Variants in KIR3DL2 observed in about 807,000 individuals in gnomAD.
KIR3DL2 encodes the protein killer cell immunoglobulin-like receptor 3DL2.
Under a neutral mutation model 41.6 loss-of-function variants are expected in KIR3DL2, and 42 were observed. The ratio of observed to expected loss-of-function variants is 1.01; its 90% confidence interval spans 0.79 to 1.31. KIR3DL2 has a LOEUF of 1.31. KIR3DL2 is among the 50% of genes most tolerant of loss of function. KIR3DL2 has a pLI of 0.00. For missense variants in KIR3DL2, 728 were observed against 576.8 expected, an observed-to-expected ratio of 1.26 and a Z score of -2.68; for synonymous variants, 230 against 221.3, an observed-to-expected ratio of 1.04 and a Z score of -0.35.
At position 54,866,544 on chromosome 19, in the gene KIR3DL2, A is replaced by G. The variant is rs2065535559; in HGVS notation, c.1181A>G (p.Gln394Arg). Reference protein sequence around the residue: ...NRQDSDEQDPQEVTYAQLDHC... With the variant: ...NRQDSDEQDPREVTYAQLDHC... ...CAGGACTCTGATGAACAAGACCCTCAGGAGGTGACGTACGCACAGTTGGAT... is the reference window on the plus strand; with the variant it reads ...CAGGACTCTGATGAACAAGACCCTCGGGAGGTGACGTACGCACAGTTGGAT... The change falls in exon 9 of 9, where the codon CAG becomes CGG. Residue 394 changes from glutamine (Q) to arginine (R), a missense_variant. Transcript: ENST00000326321. 6.2e-7 allele frequency: 1 copy of G among 1,614,050 alleles called. No homozygotes were observed. Among genetic ancestry groups the G allele is most frequent in the East Asian group, 2.2e-5 (1 of 44,882 alleles).
chr19:54,861,244 C>T (rs1328432185), intron 6 of KIR3DL2, among the ~76,000 whole-genome samples: 60 of 145,182 alleles, frequency 4.1e-4, no homozygotes, highest in African/African-American at 1.3e-3. Flanking sequence ...GTTTAATCCT[C>T]GCTTCACTAA....
Position 54,853,775 on chromosome 19 carries a change from C to A in KIR3DL2, c.384C>A (p.Ala128=). The change falls in exon 4 of 9, where the codon GCC becomes GCA. Residue 128 remains alanine, a synonymous_variant. Transcript: ENST00000326321. ...TGNHRKPSLL[A]HPGPLLKSGE... ...ACCACAGAAAACCTTCCCTCCTGGC[C>A]CACCCAGGGCCCCTGCTGAAATCAG... 1 of 1,611,222 alleles carries A rather than the reference C, an allele frequency of 6.2e-7. No individual in the cohort carries two copies. Among genetic ancestry groups the A allele is most frequent in the Non-Finnish European group, 8.5e-7 (1 of 1,178,504 alleles).
chr19:54,856,806 G>C (rs1324879577), intron 5 of KIR3DL2, among the ~76,000 whole-genome samples: 31 of 152,110 alleles, frequency 2.0e-4, no homozygotes, highest in African/African-American at 7.5e-4. Flanking sequence ...CCTGCATGTG[G>C]TGAGAAATGG....
chr19:54,862,006 G>A (rs757965171), intron 6 of KIR3DL2, among the ~76,000 whole-genome samples: 6 of 152,034 alleles, frequency 3.9e-5, no homozygotes, highest in Non-Finnish European at 7.4e-5. Flanking sequence ...CTTGGAGTGA[G>A]TTCAGATCTT....
intron 6 of KIR3DL2, among the ~76,000 whole-genome samples, chr19:54,864,916 G>A (rs2065403156): frequency 6.6e-6 from 1 of 152,060 alleles, no homozygotes; most frequent in Admixed American, 6.5e-5. Context: ...TGGTGAAAGA[G>A]GGCATCCCTG....
At chr19:54,859,014 A>G in intron 5 of KIR3DL2, 65 bp from the exon 6 acceptor site, 4 of 1,488,642 alleles carry the variant, frequency 2.7e-6, no homozygotes, top group African/African-American at 1.4e-5. Flanking sequence ...CCAACCTCAA[A>G]GATTTCCATT....
chr19:54,853,626 C>T (rs1260839414), intron 3 of KIR3DL2, 121 bp from the exon 4 acceptor site: 15 of 1,161,606 alleles, frequency 1.3e-5, no homozygotes, highest in South Asian at 5.2e-5. Flanking sequence ...AGAAAAGACA[C>T]GGAGACACAG....
intron 4 of KIR3DL2, among the ~76,000 whole-genome samples, chr19:54,854,517 G>C (rs1346739204): frequency 6.6e-6 from 1 of 151,790 alleles, no homozygotes; most frequent in Non-Finnish European, 1.5e-5. Context: ...TGCCTTCCAT[G>C]CAGTGGAGCC....
intron 6 of KIR3DL2, among the ~76,000 whole-genome samples, chr19:54,865,075 T>C (rs2065413316): frequency 6.6e-6 from 1 of 152,110 alleles, no homozygotes; most frequent in Admixed American, 6.5e-5. Flanking sequence ...GAAGCGTTGT[T>C]GAATTTTGTC....
intron 6 of KIR3DL2, among the ~76,000 whole-genome samples, chr19:54,861,576 G>T (rs2065185065): frequency 6.6e-6 from 1 of 151,534 alleles, no homozygotes; most frequent in Non-Finnish European, 1.5e-5. Context: ...TTCAGCCCTG[G>T]AGGCAGAGGT....
chr19:54,850,538 G>A (rs2064095020), intron 1 of KIR3DL2, 29 bp downstream of exon 1: 3 of 1,608,374 alleles, frequency 1.9e-6, no homozygotes, highest in Non-Finnish European at 2.5e-6. Flanking sequence ...TAGAGGGAGG[G>A]AGAGTGGGGA....
In KIR3DL2 at chr19:54,866,625, C is replaced by T. The variant is rs757342864; in HGVS notation, c.1262C>T (p.Pro421Leu). The change falls in exon 9 of 9, where the codon CCC (proline) becomes CTC (leucine). Residue 421 changes from proline to leucine, a missense_variant. By Grantham distance (98) the Pro-to-Leu change is moderately conservative. Coordinates refer to ENST00000326321, the MANE Select transcript of KIR3DL2 (RefSeq NM_006737.4). ...ISRPSQRPKT[P>L]LTDTSVYTEL... ...CGCCCTTCTCAGAGGCCCAAGACAC[C>T]CCTAACAGATACCAGCGTGTACACG... is the stretch of plus-strand genomic sequence containing the variant. 1 of 1,613,916 alleles carries T rather than the reference C, an allele frequency of 6.2e-7. No homozygotes were observed. The highest frequency in any genetic ancestry group is 1.7e-5 in the Admixed American group (1 of 60,002).
rs61517997 is a variant in KIR3DL2 at position 54,867,166 on chromosome 19, C to T, written c.*435C>T. 0.039 allele frequency: 8,085 copies of T among 205,502 alleles called. 204 individuals carry two copies. Among genetic ancestry groups the T allele is most frequent in the East Asian group, 0.092 (609 of 6,646 alleles). The allele number at this position is 205,502 out of a possible 1,614,324, so 12.7% of individuals were successfully genotyped here. On this transcript the variant is annotated 3_prime_UTR_variant, in exon 9 of 9. Transcript: ENST00000326321. ...AATTTATAAATTTTTTTTATAACTT[C>T]AGTGTAGCTCTCTCCTCTTCAAATA...
In KIR3DL2 at chr19:54,855,061, A is replaced by AT. The variant is rs1556681190; in HGVS notation, c.656-558_656-557insT. On this transcript the variant is annotated intron_variant, in intron 4 of 8. Transcript: ENST00000326321. ...CATAGAGATGATGATGATGATGATG[A>AT]AGATAGATAGAAGACACATATATAA... Among the ~76,000 whole-genome samples, 6 of 148,276 alleles carry AT rather than the reference A, an allele frequency of 4.0e-5. 1 individual carries two copies. Among genetic ancestry groups the AT allele is most frequent in the Non-Finnish European group, 5.9e-5 (4 of 67,292 alleles).
At position 54,852,118 on chromosome 19, in the gene KIR3DL2, A is replaced by G. The variant is rs767977212; in HGVS notation, c.191A>G (p.Asp64Gly). The G allele has an allele frequency of 6.2e-7, 1 of 1,612,986 alleles. No homozygotes were observed. The highest frequency in any genetic ancestry group is 1.1e-5 in the South Asian group (1 of 91,066). The change falls in exon 3 of 9, where the codon GAC (aspartate) becomes GGC (glycine). Residue 64 changes from aspartate (D) to glycine (G), a missense_variant. Transcript: ENST00000326321. ...AACAATTTCATGCTGTACAAAGAAG[A>G]CAGAAGCCACGTTCCCATCTTCCAC... ...GFNNFMLYKE[D>G]RSHVPIFHGR...
chr19:54,856,959 C>A (rs2064831307), intron 5 of KIR3DL2, among the ~76,000 whole-genome samples: 2 of 152,136 alleles, frequency 1.3e-5, no homozygotes, highest in Non-Finnish European at 2.9e-5. Context: ...TAGGTTGACT[C>A]CACATCTTGG....
At position 54,853,891 on chromosome 19, in the gene KIR3DL2, T is replaced by C; in HGVS notation, c.500T>C (p.Leu167Pro). Residue 167 changes from leucine to proline, a missense_variant, in exon 4 of 9, where the codon CTC (leucine) becomes CCC (proline). Transcript: ENST00000326321. Reference protein sequence around the residue: ...REGISEDPSRLVGQIHDGVSK... With the variant: ...REGISEDPSRPVGQIHDGVSK... Reference sequence around the variant, plus strand: ...GGGATCTCTGAGGACCCCTCACGCCTCGTTGGACAGATCCATGATGGGGTC... The same window carrying C: ...GGGATCTCTGAGGACCCCTCACGCCCCGTTGGACAGATCCATGATGGGGTC... 1 of 1,613,368 alleles carries C rather than the reference T, an allele frequency of 6.2e-7. No homozygotes were observed. Among genetic ancestry groups the C allele is most frequent in the Middle Eastern group, 1.6e-4 (1 of 6,062 alleles).
intron 5 of KIR3DL2, among the ~76,000 whole-genome samples, chr19:54,858,866 G>A (rs1346354082): frequency 5.3e-5 from 8 of 152,012 alleles, no homozygotes; most frequent in Non-Finnish European, 1.2e-4. Context: ...ATATTTCTAA[G>A]TCAGGTAGTG....
chr19:54,860,512 G>A (rs1207705756), intron 6 of KIR3DL2, among the ~76,000 whole-genome samples: 2 of 151,956 alleles, frequency 1.3e-5, no homozygotes, highest in Admixed American at 1.3e-4. Flanking sequence ...TGGGATTACA[G>A]ACCACAACCA....
Sources: allele counts gnomAD v4.1 joint callset (sites outside exome capture counted in the v4.1 genomes callset), GRCh38; gene constraint gnomAD v4.1.1; transcripts MANE v1.5; gene names NCBI Gene and HGNC (gene_info 2026-07-23, HGNC 2026-07-21).